OTC: variants seen among roughly 807,000 people sequenced by gnomAD.
OTC encodes the protein ornithine transcarbamylase, mitochondrial.
Under a neutral mutation model 30.3 loss-of-function variants are expected in OTC, and 3 were observed. The observed-to-expected ratio is 0.10, with a 90% CI of 0.05 to 0.26. The LOEUF (loss-of-function observed/expected upper bound fraction) is 0.26, where lower values mean the gene tolerates loss of function less well. Among genes scored for constraint, OTC ranks in the 10% least tolerant of loss-of-function variants. The pLI is 1.00. For synonymous variants in OTC, 111 were observed against 99.7 expected (o/e 1.11, Z -0.67); for missense variants, 194 against 260.3 (o/e 0.75, Z 1.75).
chrX:38,349,404 G>T (rs774151129), upstream of OTC, among the ~76,000 whole-genome samples: 13 of 112,637 alleles, frequency 1.2e-4, no homozygotes, highest in Non-Finnish European at 2.1e-4. Flanking sequence ...AGGTGGGACT[G>T]TTAAGAGATG....
rs72558416 is a variant in OTC at position 38,403,699 on chromosome X, G to T, written c.622G>T (p.Ala208Ser). ...TATCCTGCACTCCATCATGATGAGC[G>T]CAGCGAAATTCGGAATGCACCTTCA... is the stretch of plus-strand genomic sequence containing the variant. ...NNILHSIMMS[A>S]AKFGMHLQAA... Residue 208 changes from alanine (A) to serine (S), a missense_variant, in exon 6 of 10, where the codon GCA (alanine) becomes TCA (serine). Ala to Ser is a moderately conservative substitution (Grantham distance 99). Transcript: ENST00000039007. 11 of 1,210,067 alleles carry T rather than the reference G, an allele frequency of 9.1e-6. No homozygotes were observed. The highest frequency in any genetic ancestry group is 1.2e-5 in the Non-Finnish European group (11 of 894,036).
intron 1 of OTC, among the ~76,000 whole-genome samples, chrX:38,365,340 C>T (rs1331903940): frequency 8.9e-6 from 1 of 112,710 alleles, no homozygotes; most frequent in Non-Finnish European, 1.9e-5. Flanking sequence ...AGAATGATTA[C>T]CGCAAATAAC....
chrX:38,337,292 C>T, the OTC span, among the ~76,000 whole-genome samples: 1 of 112,183 alleles, frequency 8.9e-6, no homozygotes, highest in Admixed American at 9.4e-5. Flanking sequence ...GTATTTATAT[C>T]CTTAAAATGC....
intron 4 of OTC, among the ~76,000 whole-genome samples, chrX:38,388,608 G>C (rs942179630): frequency 1.8e-5 from 2 of 111,321 alleles, no homozygotes; most frequent in African/African-American, 6.5e-5. Flanking sequence ...TGTTTCTTCT[G>C]TAATGACAGC....
At chrX:38,339,706 G>A in the OTC span, among the ~76,000 whole-genome samples, 3 of 110,446 alleles carry the variant, frequency 2.7e-5, no homozygotes, top group Admixed American at 9.7e-5. Flanking sequence ...ACCCTTTAAC[G>A]TTTTATGTTT....
intron 4 of OTC, among the ~76,000 whole-genome samples, chrX:38,391,556 A>G (rs956510751): frequency 9.0e-6 from 1 of 111,536 alleles, no homozygotes; most frequent in Non-Finnish European, 1.9e-5. Context: ...TTGTTCTCCC[A>G]TTTTATTAGT....
upstream of OTC, chrX:38,352,485 C>T (rs951710630): frequency 2.2e-5 from 9 of 403,032 alleles, no homozygotes; most frequent in African/African-American, 1.0e-4. Flanking sequence ...AAATACACAG[C>T]GGTGGAGCTT....
the OTC span, among the ~76,000 whole-genome samples, chrX:38,339,605 T>G: frequency 9.1e-6 from 1 of 109,319 alleles, no homozygotes; most frequent in East Asian, 2.9e-4. Flanking sequence ...CCCAGTTTCT[T>G]ATTGAATATG....
intron 9 of OTC, among the ~76,000 whole-genome samples, chrX:38,413,682 T>TG (rs2068555242): frequency 9.2e-6 from 1 of 108,125 alleles, no homozygotes; most frequent in East Asian, 3.0e-4. Flanking sequence ...TTTTTTGTTT[T>TG]TTTTTGAGAT....
At position 38,393,618 on chromosome X, in the gene OTC, G is replaced by A. The variant is rs938426961; in HGVS notation, c.387-7657G>A. Among the ~76,000 whole-genome samples, 5 of 111,881 alleles carry A rather than the reference G, an allele frequency of 4.5e-5. No individual in the cohort carries two copies. In the Admixed American group the frequency reaches 4.8e-4, roughly 11 times the overall value. On this transcript the variant is annotated intron_variant, in intron 4 of 9. Transcript: ENST00000039007. ...GGCCACTTAATTTTGGTTGGTTAGT[G>A]GGAACGGGTTGCTAAATTCAAGGTG...
At chrX:38,396,361 C>T (rs2068457062) in intron 4 of OTC, among the ~76,000 whole-genome samples, 1 of 111,840 alleles carries the variant, frequency 8.9e-6, no homozygotes, top group Non-Finnish European at 1.9e-5. Flanking sequence ...AATATATTAA[C>T]CTGGCCTGGT....
At chrX:38,412,441 T>C (rs995401956) in intron 9 of OTC, among the ~76,000 whole-genome samples, 1 of 112,131 alleles carries the variant, frequency 8.9e-6, no homozygotes, top group Admixed American at 9.5e-5. Context: ...TAGATACTTG[T>C]TTTCGTTCTT....
At chrX:38,402,578 A>G (rs935082819) in intron 5 of OTC, among the ~76,000 whole-genome samples, 1 of 112,008 alleles carries the variant, frequency 8.9e-6, no homozygotes, top group African/African-American at 3.2e-5. Context: ...AGACACTTCA[A>G]GAAAATAAAA....
chrX:38,384,729 C>A (rs771572305), intron 4 of OTC, among the ~76,000 whole-genome samples: 1 of 110,285 alleles, frequency 9.1e-6, no homozygotes, highest in African/African-American at 3.3e-5. Context: ...GCTTTGGGGG[C>A]CTGGTCGAAT....
chrX:38,343,284 G>A, the OTC span, among the ~76,000 whole-genome samples: 1 of 111,770 alleles, frequency 8.9e-6, no homozygotes, highest in Non-Finnish European at 1.9e-5. Context: ...TTGAGACACT[G>A]GTGAACTTTG....
intron 5 of OTC, among the ~76,000 whole-genome samples, chrX:38,403,082 G>A (rs745928752): frequency 8.9e-6 from 1 of 111,734 alleles, no homozygotes; most frequent in South Asian, 3.8e-4. Context: ...AAAGTGCTGG[G>A]ATTACAGGAA....
chrX:38,374,378 G>A (rs2068335921), intron 3 of OTC, among the ~76,000 whole-genome samples: 1 of 109,478 alleles, frequency 9.1e-6, no homozygotes, highest in African/African-American at 3.3e-5. Context: ...CCCCTCATAA[G>A]CACGTATTAC....
intron 4 of OTC, among the ~76,000 whole-genome samples, chrX:38,383,174 A>C (rs2068384158): frequency 9.0e-6 from 1 of 111,439 alleles, no homozygotes; most frequent in African/African-American, 3.3e-5. Flanking sequence ...CTACATGAAT[A>C]CATGGGTCCA....
intron 1 of OTC, among the ~76,000 whole-genome samples, chrX:38,365,530 G>C (rs763380735): frequency 8.9e-6 from 1 of 112,489 alleles, no homozygotes; most frequent in Admixed American, 9.4e-5. Context: ...ACCACCTTCA[G>C]CTTATAAAAT....
Sources: allele counts gnomAD v4.1 joint callset (sites outside exome capture counted in the v4.1 genomes callset), GRCh38; gene constraint gnomAD v4.1.1; transcripts MANE v1.5; gene names NCBI Gene and HGNC (gene_info 2026-07-23, HGNC 2026-07-21).